Variants in DVL1 observed in about 807,000 individuals in gnomAD.
DVL1 encodes the protein dishevelled segment polarity protein 1.
DVL1 carries 49 observed loss-of-function variants against 65.0 expected under a neutral mutation model. The observed-to-expected ratio is 0.75, with a 90% CI of 0.60 to 0.96. DVL1 has a LOEUF of 0.96. Ranked by LOEUF, DVL1 falls within the 40% of genes least tolerant of loss-of-function variation. The pLI is 0.00. For missense variants in DVL1, 1,197 were observed against 1,045.4 expected (o/e 1.15, Z -2.00); for synonymous variants, 608 against 433.9 (o/e 1.40, Z -4.99).
At position 1,339,410 on chromosome 1, in the gene DVL1, C is replaced by A; in HGVS notation, c.1084G>T (p.Ala362Ser). 2.8e-6 allele frequency: 4 copies of A among 1,444,870 alleles called. No individual in the cohort carries two copies. The highest frequency in any genetic ancestry group is 3.7e-6 in the Non-Finnish European group (4 of 1,081,502). The allele number at this position is 1,444,870 out of a possible 1,614,324, so 89.5% of individuals were successfully genotyped here. The part of the protein sequence containing the change: ...ADPVRPIDPA[A>S]WLSHTAALTG... Reference sequence around the variant, plus strand: ...AGTGCCGCCGTGTGGGACAGCCAGGCGGCGGGGTCGATGGGCCGCACCGGG... The same window carrying A: ...AGTGCCGCCGTGTGGGACAGCCAGGAGGCGGGGTCGATGGGCCGCACCGGG... The change falls in exon 11 of 15, where the codon GCC (alanine) becomes TCC (serine). Residue 362 changes from alanine to serine, a missense_variant. Transcript: ENST00000378888.
rs1162212805 is a variant in DVL1, at chr1:1,338,044, G to A, written c.1647C>T (p.Phe549=). ...PYQYPGPPPC[F]PPAYQDPGFS... ...AGCCCGGGTCCTGGTAGGCAGGCGGGAAGCAGGGTGGGGGTCCCGGGTACT... is the reference window on the plus strand; with the variant it reads ...AGCCCGGGTCCTGGTAGGCAGGCGGAAAGCAGGGTGGGGGTCCCGGGTACT... Residue 549 remains phenylalanine, a synonymous_variant, in exon 14 of 15, where the codon TTC becomes TTT. Transcript: ENST00000378888. The A allele has an allele frequency of 6.2e-7, 1 of 1,611,756 alleles. No homozygotes were observed. The highest frequency in any genetic ancestry group is 8.5e-7 in the Non-Finnish European group (1 of 1,179,594).
rs771450757 is a variant in DVL1 at position 1,336,446 on chromosome 1, G to A, written c.1784C>T (p.Ala595Val). Residue 595 changes from alanine to valine, a missense_variant, in exon 15 of 15, where the codon GCG becomes GTG. Transcript: ENST00000378888. ...TTCACTGCCACTGCCCCCAGCTCCC[G>A]CCGCCCGACGCTCCTTCTCACGGCC... is the stretch of plus-strand genomic sequence containing the variant. ...APGREKERRA[A>V]GAGGSGSESD... 38 of 1,573,512 alleles carry A rather than the reference G, an allele frequency of 2.4e-5. No individual in the cohort carries two copies. The highest frequency in any genetic ancestry group is 6.8e-5 in the East Asian group (3 of 43,952).
chr1:1,348,952 G>A lies in DVL1; in HGVS notation c.114C>T (p.Ser38=), dbSNP rs776780216. 3 of 1,573,976 alleles carry A rather than the reference G, an allele frequency of 1.9e-6. No homozygotes were observed. The East Asian group carries it at 7.3e-5, about 38-fold the overall frequency. Residue 38 remains serine (S), a synonymous_variant, in exon 1 of 15, where the codon AGC becomes AGT. Coordinates refer to ENST00000378888, the MANE Select transcript of DVL1 (RefSeq NM_001330311.2). ...ATTTGTAGGCGTGCACGGGCCGGTT[G>A]CTGAGCACGTTCTTGAAGTCGGCCA... The part of the protein sequence containing the change: ...VTLADFKNVL[S]NRPVHAYKFF...
chr1:1,342,866 G>A, intron 1 of DVL1, 108 bp from the exon 2 acceptor site: 1 of 1,034,706 alleles, frequency 9.7e-7, no homozygotes, highest in Non-Finnish European at 1.4e-6. Flanking sequence ...ATGTCACTCT[G>A]TGGACACCCC....
At chr1:1,342,822 G>C in intron 1 of DVL1, 64 bp from the exon 2 acceptor site, 1 of 1,527,156 alleles carries the variant, frequency 6.5e-7, no homozygotes, top group South Asian at 1.1e-5. Context: ...CTAGAGGTGA[G>C]GCCTGGAGAG....
rs767846983 is a variant in DVL1, at chr1:1,342,437, C to T, written c.288G>A (p.Thr96=). 19 of 1,602,438 alleles carry T rather than the reference C, an allele frequency of 1.2e-5. No individual in the cohort carries two copies. The highest frequency in any genetic ancestry group is 1.0e-4 in the Admixed American group (6 of 59,280). Residue 96 remains threonine, a synonymous_variant, in exon 3 of 15, where the codon ACG becomes ACA. Transcript: ENST00000378888. ...GAHSDAGSQG[T]DSHTDLPPPL... is the part of the protein sequence containing the mutation. ...GCGGGGGCAGGTCTGTGTGGCTGTC[C>T]GTGCCCTGGGACCCCGCATCCGAGT...
In DVL1 at chr1:1,348,978, G is replaced by C. The variant is rs763700025; in HGVS notation, c.88C>G (p.Leu30Val). ...CTGAGCACGTTCTTGAAGTCGGCCAGCGTGACGCGCTCGGGGGCCACGGGC... is the reference window on the plus strand; with the variant it reads ...CTGAGCACGTTCTTGAAGTCGGCCACCGTGACGCGCTCGGGGGCCACGGGC... Reference protein sequence around the residue: ...KLPVAPERVTLADFKNVLSNR... With the variant: ...KLPVAPERVTVADFKNVLSNR... The change falls in exon 1 of 15, where the codon CTG (leucine) becomes GTG (valine). Residue 30 changes from leucine (L) to valine (V), a missense_variant. Coordinates refer to ENST00000378888, the MANE Select transcript of DVL1 (RefSeq NM_001330311.2). The C allele has an allele frequency of 3.2e-6, 5 of 1,577,164 alleles. No homozygotes were observed.
At chr1:1,340,978 ACACATGCACACCTGCATACTCACCTG>A (rs1284384844) in intron 5 of DVL1, among the ~76,000 whole-genome samples, 1 of 136,300 alleles carries the variant, frequency 7.3e-6, no homozygotes. Flanking sequence ...CTGCACAGGC[ACACATGCACACCTGCATACTCACCTG>A]CACACGCACC....
In DVL1 at chr1:1,336,192, A is replaced by G; in HGVS notation, c.2038T>C (p.Phe680Leu). ...PPELTGSRQS[F>L]QKAMGNPCEF... ...CAGGGGTTCCCCATAGCCTTCTGGA[A>G]GGACTGGCGGCTGCCTGTCAATTCC... The change falls in exon 15 of 15, where the codon TTC becomes CTC. Residue 680 changes from phenylalanine (F) to leucine (L), a missense_variant. Physicochemically the swap from Phe to Leu is conservative, Grantham distance 22 (BLOSUM62 0). Transcript: ENST00000378888. 6.4e-7 allele frequency: 1 copy of G among 1,569,702 alleles called. No homozygotes were observed. The highest frequency in any genetic ancestry group is 8.6e-7 in the Non-Finnish European group (1 of 1,163,178).
intron 1 of DVL1, among the ~76,000 whole-genome samples, chr1:1,348,487 T>G (rs368126475): frequency 6.6e-6 from 1 of 152,178 alleles, no homozygotes; most frequent in African/African-American, 2.4e-5. Flanking sequence ...GACAGGTTGG[T>G]GAACCTGTAC....
rs1557670320 is a variant in DVL1, at chr1:1,341,920, G to C, written c.467-115C>G. The C allele has an allele frequency of 3.5e-5, 51 of 1,466,154 alleles. No homozygotes were observed. The East Asian group carries it at 1.3e-3, about 37-fold the overall frequency. The allele number at this position is 1,466,154 out of a possible 1,614,324, so 90.8% of individuals were successfully genotyped here. ...TCTGGGAGCTGGCAGCTCAACTGTA[G>C]GCTCGCTGGGCCTGTGCCTCCACCC... On this transcript the variant is annotated intron_variant, in intron 4 of 14. Coordinates refer to ENST00000378888, the MANE Select transcript of DVL1 (RefSeq NM_001330311.2).
Position 1,336,108 on chromosome 1 carries a change from C to G in DVL1, c.*34G>C, listed in dbSNP as rs1038087714. On this transcript the variant is annotated 3_prime_UTR_variant, in exon 15 of 15. Transcript: ENST00000378888. Reference sequence around the variant, plus strand: ...TGCATGCGGCAGGACCGCCAGCTCCCCACCTCAGGCAGGGCTGGGGCATGC... The same window carrying G: ...TGCATGCGGCAGGACCGCCAGCTCCGCACCTCAGGCAGGGCTGGGGCATGC... 9.6e-6 allele frequency: 15 copies of G among 1,561,404 alleles called. No individual in the cohort carries two copies. Among genetic ancestry groups the G allele is most frequent in the Non-Finnish European group, 1.3e-5 (15 of 1,160,474 alleles).
intron 1 of DVL1, among the ~76,000 whole-genome samples, chr1:1,347,953 GC>G (rs1320473936): frequency 6.6e-6 from 1 of 152,208 alleles, no homozygotes; most frequent in Admixed American, 6.5e-5. Flanking sequence ...ACCTGGGGCT[GC>G]CTGAGGACCC....
intron 2 of DVL1, 58 bp from the exon 3 acceptor site, chr1:1,342,542 G>A: frequency 2.5e-6 from 4 of 1,585,506 alleles, no homozygotes; most frequent in Non-Finnish European, 3.4e-6. Flanking sequence ...CGCCTCCTCA[G>A]GGCACCCAGG....
intron 4 of DVL1, 81 bp from the exon 5 acceptor site, chr1:1,341,886 G>T: frequency 6.7e-7 from 1 of 1,486,382 alleles, no homozygotes. Context: ...AGTGCTGCAT[G>T]CCTGTGGGTC....
At chr1:1,343,729 T>TGG (rs368598821) in intron 1 of DVL1, among the ~76,000 whole-genome samples, 1 of 151,738 alleles carries the variant, frequency 6.6e-6, no homozygotes, top group African/African-American at 2.4e-5. Flanking sequence ...CGGACGTAGG[T>TGG]GGGCTGGGAG....
Position 1,335,833 on chromosome 1 carries a change from G to A in DVL1, c.*309C>T. 2.2e-6 allele frequency: 1 copy of A among 454,468 alleles called. No homozygotes were observed. The highest frequency in any genetic ancestry group is 2.5e-5 in the South Asian group (1 of 40,328). The allele number at this position is 454,468 out of a possible 1,614,324, so 28.2% of individuals were successfully genotyped here. A position where few individuals can be genotyped will look rare whatever the true frequency, so the allele number is the denominator to read the frequency against. On this transcript the variant is annotated 3_prime_UTR_variant, in exon 15 of 15. Transcript: ENST00000378888. The stretch of plus-strand genomic sequence containing the variant: ...GGGGCCTGGGCACAGCTGTGCAGGA[G>A]GTGGGGGTCAGCCGAGAGCCCGAGG...
intron 1 of DVL1, among the ~76,000 whole-genome samples, chr1:1,346,290 C>T (rs1643913413): frequency 6.6e-6 from 1 of 152,170 alleles, no homozygotes; most frequent in African/African-American, 2.4e-5. Context: ...CTCCACCCAT[C>T]CCCCAGTCCC....
rs753965150 is a variant in DVL1, at chr1:1,339,610, C to T, written c.1026G>A (p.Thr342=). Residue 342 remains threonine (T), a synonymous_variant, in exon 10 of 15, where the codon ACG becomes ACA. Transcript: ENST00000378888. ...GTGGGACGGTGAAGTAGCTTCGGGG[C>T]GTTGGGTCCCAGCACTTGGCCACAG... ...SLTVAKCWDP[T]PRSYFTVPRA... is the part of the protein sequence containing the mutation. 12 of 1,607,128 alleles carry T rather than the reference C, an allele frequency of 7.5e-6. No individual in the cohort carries two copies. The highest frequency in any genetic ancestry group is 3.3e-4 in the Middle Eastern group (2 of 6,054).
Sources: allele counts gnomAD v4.1 joint callset (sites outside exome capture counted in the v4.1 genomes callset), GRCh38; gene constraint gnomAD v4.1.1; transcripts MANE v1.5; gene names NCBI Gene and HGNC (gene_info 2026-07-23, HGNC 2026-07-21).